AFAP1L1: variants seen among roughly 807,000 people sequenced by gnomAD.
AFAP1L1 encodes the protein actin filament associated protein 1 like 1, also known as actin filament-associated protein 1-like 1.
A neutral mutation model predicts 99.8 loss-of-function variants in AFAP1L1; 77 were observed. That is an observed-to-expected ratio of 0.77 (90% CI 0.64 to 0.93). The LOEUF (loss-of-function observed/expected upper bound fraction) is 0.93. Among genes scored for constraint, AFAP1L1 ranks in the 40% least tolerant of loss-of-function variants. The pLI is 0.00. For synonymous variants in AFAP1L1, 373 were observed against 395.3 expected (o/e 0.94, Z 0.67); for missense variants, 893 against 996.8 (o/e 0.90, Z 1.40).
At chr5:149,299,967 C>T (rs1399297174) in intron 2 of AFAP1L1, among the ~76,000 whole-genome samples, 1 of 152,026 alleles carries the variant, frequency 6.6e-6, no homozygotes, top group Non-Finnish European at 1.5e-5. Context: ...ACCTACAACA[C>T]ACACAGCCCC....
At chr5:149,319,853 G>A in intron 13 of AFAP1L1, 126 bp downstream of exon 13, 3 of 1,375,464 alleles carry the variant, frequency 2.2e-6, no homozygotes, top group Non-Finnish European at 3.0e-6. Flanking sequence ...CGCTTCCTTG[G>A]TAAGCTGGAA....
intron 1 of AFAP1L1, among the ~76,000 whole-genome samples, chr5:149,292,776 G>A (rs1693903): frequency 0.87 from 133,045 of 152,242 alleles, 58,388 homozygotes; most frequent in Non-Finnish European, 0.91. Context: ...TGGAGACATA[G>A]AGACAGTTCT....
intron 17 of AFAP1L1, among the ~76,000 whole-genome samples, chr5:149,333,921 A>G (rs1272339038): frequency 2.0e-5 from 3 of 148,256 alleles, no homozygotes; most frequent in Admixed American, 6.7e-5. Context: ...GTGTGTGTGT[A>G]TATATATTTG....
chr5:149,319,615 G>C lies in AFAP1L1; in HGVS notation c.1513G>C (p.Gly505Arg), dbSNP rs761420859. The C allele has an allele frequency of 6.2e-7, 1 of 1,613,140 alleles. No individual in the cohort carries two copies. The highest frequency in any genetic ancestry group is 8.5e-7 in the Non-Finnish European group (1 of 1,179,848). The change falls in exon 13 of 19, where the codon GGG becomes CGG. Residue 505 changes from glycine (G) to arginine (R), a missense_variant. By Grantham distance (125) the Gly-to-Arg change is moderately radical. Transcript: ENST00000296721. ...TTCAGAGGACATGGGTCGCTGGCTCGGGCTGCTGCTGGTGGAGATGGGCTC... is the reference window on the plus strand; with the variant it reads ...TTCAGAGGACATGGGTCGCTGGCTCCGGCTGCTGCTGGTGGAGATGGGCTC... ...SCSEDMGRWLGLLLVEMGSRV... is the reference protein window; with the variant it reads ...SCSEDMGRWLRLLLVEMGSRV...
At position 149,335,624 on chromosome 5, in the gene AFAP1L1, C is replaced by G. The variant is rs150842858; in HGVS notation, c.2185C>G (p.Pro729Ala). ...ETANKPQNSV[P>A]EQPLPVNCVS... ...TGCAAATAAACCCCAGAACAGCGTTCCAGAGCAACCTCTCCCTGTCAACTG... is the reference window on the plus strand; with the variant it reads ...TGCAAATAAACCCCAGAACAGCGTTGCAGAGCAACCTCTCCCTGTCAACTG... Residue 729 changes from proline to alanine, a missense_variant, in exon 18 of 19, where the codon CCA (proline) becomes GCA (alanine). Pro to Ala is a conservative substitution (Grantham distance 27). Coordinates refer to ENST00000296721, the MANE Select transcript of AFAP1L1 (RefSeq NM_152406.4). 42 of 1,612,616 alleles carry G rather than the reference C, an allele frequency of 2.6e-5. No homozygotes were observed. In the African/African-American group the frequency reaches 3.2e-4, roughly 12 times the overall value.
chr5:149,314,233 T>A (rs1461036945), intron 9 of AFAP1L1, among the ~76,000 whole-genome samples: 1 of 152,224 alleles, frequency 6.6e-6, no homozygotes, highest in Non-Finnish European at 1.5e-5. Flanking sequence ...ACTTAGCCTT[T>A]GCCATTGGTG....
In AFAP1L1 at chr5:149,342,533, C is replaced by T. The variant is rs1243240625; in HGVS notation, c.*2503C>T. ...AGACGAATGAATGCATGGATGCAAG[C>T]AGCAACCTGGTGAACGTTAGGCAGC... On this transcript the variant is annotated 3_prime_UTR_variant, in exon 19 of 19. Coordinates refer to ENST00000296721, the MANE Select transcript of AFAP1L1 (RefSeq NM_152406.4). 6.6e-6 allele frequency among the ~76,000 whole-genome samples: 1 copy of T among 152,228 alleles called. No individual in the cohort carries two copies. Among genetic ancestry groups the T allele is most frequent in the East Asian group, 1.9e-4 (1 of 5,202 alleles).
At chr5:149,311,680 A>C (rs959098953) in intron 8 of AFAP1L1, among the ~76,000 whole-genome samples, 1 of 152,200 alleles carries the variant, frequency 6.6e-6, no homozygotes, top group Non-Finnish European at 1.5e-5. Context: ...GTTGCTGTAA[A>C]GGTGCACATG....
At chr5:149,331,657 T>TG (rs1757262589) in intron 16 of AFAP1L1, among the ~76,000 whole-genome samples, 1 of 151,988 alleles carries the variant, frequency 6.6e-6, no homozygotes. Flanking sequence ...CAGCAAATCC[T>TG]ACTGAAAACT....
chr5:149,335,478 T>C (rs916789950), intron 17 of AFAP1L1, 116 bp from the exon 18 acceptor site: 1 of 1,339,984 alleles, frequency 7.5e-7, no homozygotes, highest in Admixed American at 2.4e-5. Context: ...ACAGAGACTC[T>C]GTCTCAAAAA....
chr5:149,315,507 A>C (rs879458365), intron 9 of AFAP1L1: 1 of 330,076 alleles, frequency 3.0e-6, no homozygotes, highest in Admixed American at 3.9e-5. Context: ...TGAGTGTTCC[A>C]CTTAAATACT....
intron 18 of AFAP1L1, among the ~76,000 whole-genome samples, chr5:149,336,814 C>CTTTAATTTAA (rs1488367723): frequency 1.3e-5 from 2 of 152,250 alleles, no homozygotes; most frequent in African/African-American, 4.8e-5. Context: ...CCTCTCAATA[C>CTTTAATTTAA]TGCCACATTA....
In AFAP1L1 at chr5:149,301,127, C is replaced by T; in HGVS notation, c.230-6C>T. The T allele has an allele frequency of 6.2e-7, 1 of 1,613,720 alleles. No individual in the cohort carries two copies. The highest frequency in any genetic ancestry group is 8.5e-7 in the Non-Finnish European group (1 of 1,179,710). On this transcript the variant is annotated splice_region_variant and splice_polypyrimidine_tract_variant and intron_variant, in intron 3 of 18. Transcript: ENST00000296721. ...TTTCTTTGCCCAATGGCCTGTCCCTCTGTAGACTGTGACCTGAGTGACCTT... is the reference window on the plus strand; with the variant it reads ...TTTCTTTGCCCAATGGCCTGTCCCTTTGTAGACTGTGACCTGAGTGACCTT...
chr5:149,334,831 C>T (rs1195746211), intron 17 of AFAP1L1, among the ~76,000 whole-genome samples: 1 of 151,916 alleles, frequency 6.6e-6, no homozygotes. Flanking sequence ...ATCACTTGAA[C>T]CTGGAAGGTG....
At chr5:149,307,726 C>T (rs773759138) in intron 7 of AFAP1L1, 113 bp downstream of exon 7, 12 of 1,148,776 alleles carry the variant, frequency 1.0e-5, no homozygotes, top group Non-Finnish European at 1.5e-5. Flanking sequence ...TGACTGTGTG[C>T]ACAGAAGCTC....
rs375613637 is a variant in AFAP1L1 at position 149,299,085 on chromosome 5, T to A, written c.17-424T>A. On this transcript the variant is annotated intron_variant, in intron 1 of 18. Coordinates refer to ENST00000296721, the MANE Select transcript of AFAP1L1 (RefSeq NM_152406.4). Reference sequence around the variant, plus strand: ...GGACAGGAAGGCTCTCTTTCCTGCCTGTGTCCTGGATGGCCAGGGGCTCCA... The same window carrying A: ...GGACAGGAAGGCTCTCTTTCCTGCCAGTGTCCTGGATGGCCAGGGGCTCCA... Among the ~76,000 whole-genome samples the A allele has an allele frequency of 7.2e-5, 11 of 152,328 alleles. No individual in the cohort carries two copies. The East Asian group carries it at 2.1e-3, about 29-fold the overall frequency.
At chr5:149,294,103 T>A (rs1755947508) in intron 1 of AFAP1L1, among the ~76,000 whole-genome samples, 1 of 152,212 alleles carries the variant, frequency 6.6e-6, no homozygotes, top group South Asian at 2.1e-4. Flanking sequence ...ACATTCCTTA[T>A]GTCCTCTGTA....
intron 18 of AFAP1L1, among the ~76,000 whole-genome samples, chr5:149,339,386 G>A (rs1757497950): frequency 1.3e-5 from 2 of 152,084 alleles, no homozygotes; most frequent in African/African-American, 4.8e-5. Context: ...GAGACGGGGG[G>A]TTTCACCATG....
chr5:149,279,568 C>A (rs1337596289), intron 1 of AFAP1L1, among the ~76,000 whole-genome samples: 11 of 152,120 alleles, frequency 7.2e-5, no homozygotes, highest in Non-Finnish European at 1.2e-4. Context: ...TTGGGGAGAC[C>A]GCCTGATGCA....
Sources: gnomAD v4.1 joint callset for allele counts (sites outside exome capture counted in the v4.1 genomes callset) on GRCh38, gnomAD v4.1.1 for gene constraint, MANE v1.5 for transcripts, NCBI Gene and HGNC (gene_info 2026-07-23, HGNC 2026-07-21) for gene names.